The following CDH13 variants were observed in gnomAD, a reference collection of about 807,000 sequenced individuals.
The protein encoded by CDH13 is cadherin 13, also known as cadherin-13.
A neutral mutation model predicts 63.8 loss-of-function variants in CDH13; 24 were observed. That is an observed-to-expected ratio of 0.38 (90% CI 0.27 to 0.53). The LOEUF is 0.53. Among genes scored for constraint, CDH13 ranks in the 20% least tolerant of loss-of-function variants. The pLI is 0.85. For synonymous variants in CDH13, 503 were observed against 355.3 expected (o/e 1.42, Z -4.67); for missense variants, 1,049 against 903.1 (o/e 1.16, Z -2.07).
intron 5 of CDH13, among the ~76,000 whole-genome samples, chr16:83,241,533 G>T (rs1307167014): frequency 6.6e-6 from 1 of 152,216 alleles, no homozygotes. Context: ...TAATGGCTTT[G>T]TGCAGTGACA....
chr16:83,336,465 C>G (rs12934530), intron 5 of CDH13, among the ~76,000 whole-genome samples: 1 of 152,100 alleles, frequency 6.6e-6, no homozygotes, highest in South Asian at 2.1e-4. Flanking sequence ...AGAGGTAATT[C>G]GGAGGGAAAA....
At chr16:83,699,038 T>C (rs780532781) in intron 10 of CDH13, among the ~76,000 whole-genome samples, 1 of 152,238 alleles carries the variant, frequency 6.6e-6, no homozygotes, top group South Asian at 2.1e-4. Flanking sequence ...GCGAGCTCTT[T>C]AGGGGAAGGC....
chr16:83,255,227 C>T (rs1350270123), intron 5 of CDH13, among the ~76,000 whole-genome samples: 4 of 152,138 alleles, frequency 2.6e-5, no homozygotes, highest in African/African-American at 7.2e-5. Flanking sequence ...ATAACTTCTC[C>T]AGCATGGACT....
At chr16:82,830,015 C>T (rs577630960) in intron 1 of CDH13, among the ~76,000 whole-genome samples, 1 of 152,290 alleles carries the variant, frequency 6.6e-6, no homozygotes, top group South Asian at 2.1e-4. Flanking sequence ...TTGCCAAGCT[C>T]TTGAGTAAAC....
intron 5 of CDH13, among the ~76,000 whole-genome samples, chr16:83,328,285 G>A (rs1474490983): frequency 6.6e-6 from 1 of 152,186 alleles, no homozygotes; most frequent in East Asian, 1.9e-4. Context: ...CAGAATTTAT[G>A]AGTGAGATTA....
intron 1 of CDH13, among the ~76,000 whole-genome samples, chr16:82,632,664 A>C (rs1295589441): frequency 1.3e-5 from 2 of 152,218 alleles, no homozygotes; most frequent in East Asian, 1.9e-4. Context: ...TTTTGGTACC[A>C]GGGACCGGTT....
intron 4 of CDH13, among the ~76,000 whole-genome samples, chr16:83,134,588 A>AGAGAGT (rs1475323848): frequency 6.0e-4 from 31 of 51,956 alleles, no homozygotes; most frequent in African/African-American, 3.9e-3. Context: ...AGAGAGAGAG[A>AGAGAGT]GAGAGTGAGT....
intron 6 of CDH13, among the ~76,000 whole-genome samples, chr16:83,385,029 C>A (rs572711819): frequency 6.6e-6 from 1 of 152,196 alleles, no homozygotes; most frequent in Non-Finnish European, 1.5e-5. Flanking sequence ...GCAGCCAGCT[C>A]CCAGCACAGG....
chr16:83,309,444 C>T (rs143374844), intron 5 of CDH13, among the ~76,000 whole-genome samples: 15 of 152,162 alleles, frequency 9.9e-5, no homozygotes, highest in East Asian at 1.9e-4. Context: ...GGCATGATCT[C>T]GGCTCACTGC....
At chr16:82,975,066 A>T (rs774999431) in intron 2 of CDH13, among the ~76,000 whole-genome samples, 5 of 152,168 alleles carry the variant, frequency 3.3e-5, no homozygotes, top group African/African-American at 1.2e-4. Context: ...ACTTGGCCCA[A>T]CTCGTCTTTC....
chr16:82,750,265 C>A (rs917706209), intron 1 of CDH13, among the ~76,000 whole-genome samples: 2 of 152,088 alleles, frequency 1.3e-5, no homozygotes, highest in African/African-American at 4.8e-5. Context: ...AATAAACAAG[C>A]CACATCCTGA....
intron 4 of CDH13, among the ~76,000 whole-genome samples, chr16:83,191,026 A>G (rs1402494458): frequency 6.6e-6 from 1 of 151,774 alleles, no homozygotes; most frequent in Non-Finnish European, 1.5e-5. Flanking sequence ...CAAATAATCA[A>G]TCAAATTGCT....
chr16:82,672,264 ATG>A (rs1195435820), intron 1 of CDH13, among the ~76,000 whole-genome samples: 9 of 152,336 alleles, frequency 5.9e-5, no homozygotes, highest in African/African-American at 2.2e-4. Context: ...AACTGATATA[ATG>A]TATGCACACC....
intron 7 of CDH13, among the ~76,000 whole-genome samples, chr16:83,529,127 G>A (rs1365004031): frequency 3.3e-5 from 5 of 149,594 alleles, no homozygotes; most frequent in African/African-American, 1.2e-4. Flanking sequence ...TGTAGATCTA[G>A]GCGAGCTTGC....
chr16:83,045,467 T>C (rs1229095608), intron 3 of CDH13, among the ~76,000 whole-genome samples: 1 of 151,716 alleles, frequency 6.6e-6, no homozygotes, highest in Non-Finnish European at 1.5e-5. Context: ...TGAAACCCTA[T>C]CTCTACTAAA....
chr16:82,695,344 C>T (rs778739244), intron 1 of CDH13, among the ~76,000 whole-genome samples: 2 of 152,210 alleles, frequency 1.3e-5, no homozygotes, highest in African/African-American at 4.8e-5. Context: ...GCTTCTAATT[C>T]TGGATCTCTT....
In CDH13 at chr16:83,244,732, A is replaced by T. The variant is rs78124828; in HGVS notation, c.636+27235A>T. Reference sequence around the variant, plus strand: ...AGGCACATAGGCAATGACCAACAGAAACCAGGCAACAGCTTTCAAGCGGAG... The same window carrying T: ...AGGCACATAGGCAATGACCAACAGATACCAGGCAACAGCTTTCAAGCGGAG... On this transcript the variant is annotated intron_variant, in intron 5 of 13. Coordinates refer to ENST00000567109, the MANE Select transcript of CDH13 (RefSeq NM_001257.5). 9.3e-3 allele frequency among the ~76,000 whole-genome samples: 1,411 copies of T among 152,304 alleles called. 8 individuals are homozygous for T. Among genetic ancestry groups the T allele is most frequent in the Non-Finnish European group, 0.015 (993 of 68,018 alleles).
intron 5 of CDH13, among the ~76,000 whole-genome samples, chr16:83,308,497 A>G (rs1031595954): frequency 3.9e-5 from 6 of 152,234 alleles, no homozygotes; most frequent in Non-Finnish European, 8.8e-5. Context: ...CTCCACACAA[A>G]GGGAGTAGGA....
chr16:83,563,694 C>G (rs1362987115), intron 7 of CDH13, among the ~76,000 whole-genome samples: 1 of 152,140 alleles, frequency 6.6e-6, no homozygotes. Flanking sequence ...TGTGTAAGAA[C>G]ACATACTGGA....
Sources: allele counts gnomAD v4.1 joint callset (sites outside exome capture counted in the v4.1 genomes callset), GRCh38; gene constraint gnomAD v4.1.1; transcripts MANE v1.5; gene names NCBI Gene and HGNC (gene_info 2026-07-23, HGNC 2026-07-21).